ARHGEF28: variants seen among roughly 807,000 people sequenced by gnomAD.
The protein encoded by ARHGEF28 is Rho guanine nucleotide exchange factor 28, also known as 190 kDa guanine nucleotide exchange factor.
Under a neutral mutation model 206.6 loss-of-function variants are expected in ARHGEF28, and 152 were observed. The observed-to-expected ratio is 0.74, with a 90% CI of 0.64 to 0.84. The LOEUF (loss-of-function observed/expected upper bound fraction) is 0.84. ARHGEF28 is among the 40% of genes least tolerant of loss of function. The pLI is 0.00. For synonymous variants in ARHGEF28, 763 were observed against 776.4 expected (o/e 0.98, Z 0.29); for missense variants, 2,028 against 2,073.2 (o/e 0.98, Z 0.42).
At chr5:73,741,343 G>A (rs890722709) in intron 2 of ARHGEF28, among the ~76,000 whole-genome samples, 5 of 41,488 alleles carry the variant, frequency 1.2e-4, no homozygotes, top group Admixed American at 9.2e-4. Context: ...AAATTTATAT[G>A]TGTGTGTGTG....
intron 1 of ARHGEF28, among the ~76,000 whole-genome samples, chr5:73,658,031 G>A (rs34072562): frequency 0.38 from 58,044 of 151,690 alleles, 12,216 homozygotes; most frequent in Admixed American, 0.54. Context: ...TTGGGAGAGC[G>A]CAACTATGCA....
At chr5:73,904,283 A>G in intron 32 of ARHGEF28, 23 bp downstream of exon 32, 1 of 1,613,658 alleles carries the variant, frequency 6.2e-7, no homozygotes, top group Non-Finnish European at 8.5e-7. Context: ...ACATACCTTA[A>G]ATGTATCACC....
intron 24 of ARHGEF28, among the ~76,000 whole-genome samples, chr5:73,884,248 C>G (rs114544273): frequency 8.7e-4 from 132 of 152,242 alleles, no homozygotes; most frequent in African/African-American, 2.6e-3. Context: ...CACAAAATGT[C>G]AACTCTCCCA....
chr5:73,887,715 G>C, intron 26 of ARHGEF28, 36 bp downstream of exon 26: 1 of 1,476,434 alleles, frequency 6.8e-7, no homozygotes, highest in Non-Finnish European at 9.1e-7. Context: ...TTAAAAAATA[G>C]GTTTAACCAC....
At chr5:73,674,232 C>T (rs1253305592) in intron 1 of ARHGEF28, among the ~76,000 whole-genome samples, 1 of 152,168 alleles carries the variant, frequency 6.6e-6, no homozygotes, top group Non-Finnish European at 1.5e-5. Context: ...AGCTTGTTCC[C>T]AAGCCTGTAT....
rs1467061683 is a variant in ARHGEF28 at position 73,840,856 on chromosome 5, C to T, written c.1427+96C>T. The T allele has an allele frequency of 6.1e-6, 8 of 1,315,100 alleles. 1 individual carries two copies. In the Admixed American group the frequency reaches 1.9e-4, roughly 32 times the overall value. The allele number at this position is 1,315,100 out of a possible 1,614,324, so 81.5% of individuals were successfully genotyped here. ...AGTTTTAAACTTTTTATTGTCTCTACCACTTTTATTTGCCCATCAAAATGT... is the reference window on the plus strand; with the variant it reads ...AGTTTTAAACTTTTTATTGTCTCTATCACTTTTATTTGCCCATCAAAATGT... On this transcript the variant is annotated intron_variant, in intron 11 of 35. Coordinates refer to ENST00000513042, the MANE Select transcript of ARHGEF28 (RefSeq NM_001177693.2).
chr5:73,882,388 T>G, intron 22 of ARHGEF28, 84 bp from the exon 23 acceptor site: 1 of 1,003,102 alleles, frequency 1.0e-6, no homozygotes, highest in South Asian at 2.4e-5. Context: ...AAATACTATT[T>G]TGAAATAGAT....
intron 7 of ARHGEF28, among the ~76,000 whole-genome samples, chr5:73,783,473 G>C (rs182121951): frequency 6.6e-6 from 1 of 152,040 alleles, no homozygotes; most frequent in Admixed American, 6.6e-5. Flanking sequence ...ATGGCTGTAC[G>C]TGAAGCAAGT....
At chr5:73,767,356 A>G (rs189873731) in intron 4 of ARHGEF28, among the ~76,000 whole-genome samples, 1 of 152,300 alleles carries the variant, frequency 6.6e-6, no homozygotes, top group Admixed American at 6.5e-5. Flanking sequence ...TCAGAAGAAG[A>G]CAGGAAAATG....
At chr5:73,793,372 G>A in intron 7 of ARHGEF28, among the ~76,000 whole-genome samples, 1 of 152,170 alleles carries the variant, frequency 6.6e-6, no homozygotes. Context: ...CATAAACATG[G>A]ATGATAACTC....
In ARHGEF28 at chr5:73,728,181, A is replaced by G. The variant is rs533706055; in HGVS notation, c.34-21656A>G. On this transcript the variant is annotated intron_variant, in intron 2 of 35. Coordinates refer to ENST00000513042, the MANE Select transcript of ARHGEF28 (RefSeq NM_001177693.2). The stretch of plus-strand genomic sequence containing the variant: ...ATTGGTAAATTTGATAATGATATCT[A>G]TGCTGTCATTGAAGCCATAAGTAAA... Among the ~76,000 whole-genome samples the G allele has an allele frequency of 2.8e-4, 43 of 152,372 alleles. 1 individual carries two copies. The highest frequency in any genetic ancestry group is 9.9e-4 in the African/African-American group (41 of 41,570).
intron 7 of ARHGEF28, among the ~76,000 whole-genome samples, chr5:73,781,863 T>C (rs10805883): frequency 0.46 from 69,487 of 151,892 alleles, 16,037 homozygotes; most frequent in Non-Finnish European, 0.49. Context: ...GGTAGAGTTA[T>C]GTGATCTACT....
chr5:73,736,801 T>G (rs1415972657), intron 2 of ARHGEF28, among the ~76,000 whole-genome samples: 1 of 151,726 alleles, frequency 6.6e-6, no homozygotes, highest in Non-Finnish European at 1.5e-5. Flanking sequence ...TGGTAAGGTT[T>G]GTAAACAACG....
At chr5:73,741,521 G>A (rs1252064142) in intron 2 of ARHGEF28, among the ~76,000 whole-genome samples, 1 of 149,362 alleles carries the variant, frequency 6.7e-6, no homozygotes, top group Non-Finnish European at 1.5e-5. Flanking sequence ...CTGGATTCAA[G>A]CGATTCTCTT....
At chr5:73,740,823 T>G (rs1751336992) in intron 2 of ARHGEF28, among the ~76,000 whole-genome samples, 1 of 152,174 alleles carries the variant, frequency 6.6e-6, no homozygotes, top group Non-Finnish European at 1.5e-5. Context: ...TACTCACTCT[T>G]AATGGAGTTA....
intron 11 of ARHGEF28, among the ~76,000 whole-genome samples, chr5:73,845,234 GTCTCGA>G (rs1187956634): frequency 2.0e-5 from 3 of 152,096 alleles, no homozygotes; most frequent in African/African-American, 7.2e-5. Flanking sequence ...AGCCAGGATG[GTCTCGA>G]TCTCTGACCT....
intron 2 of ARHGEF28, among the ~76,000 whole-genome samples, chr5:73,704,099 T>G (rs1172835830): frequency 6.6e-6 from 1 of 152,002 alleles, no homozygotes; most frequent in Non-Finnish European, 1.5e-5. Context: ...GAAATGGCAT[T>G]TAGGACATTT....
chr5:73,713,514 G>A (rs1027261015), intron 2 of ARHGEF28, among the ~76,000 whole-genome samples: 4 of 152,140 alleles, frequency 2.6e-5, no homozygotes, highest in Non-Finnish European at 5.9e-5. Flanking sequence ...ATGGGCCATA[G>A]CATCTTTTCA....
At chr5:73,713,983 A>C (rs957477885) in intron 2 of ARHGEF28, among the ~76,000 whole-genome samples, 16 of 152,222 alleles carry the variant, frequency 1.1e-4, no homozygotes, top group Admixed American at 6.5e-4. Flanking sequence ...AAAGAGGCTA[A>C]ACATATCTTG....
Sources: allele counts gnomAD v4.1 joint callset (sites outside exome capture counted in the v4.1 genomes callset), GRCh38; gene constraint gnomAD v4.1.1; transcripts MANE v1.5; gene names NCBI Gene and HGNC (gene_info 2026-07-23, HGNC 2026-07-21).